Variants in TES observed in about 807,000 individuals in gnomAD.
The protein encoded by TES is testin LIM domain protein, also known as testin.
A neutral mutation model predicts 48.2 loss-of-function variants in TES; 41 were observed. The observed-to-expected ratio is 0.85, with a 90% CI of 0.66 to 1.10. The LOEUF (loss-of-function observed/expected upper bound fraction) is 1.10. TES is among the 50% of genes least tolerant of loss of function. The pLI is 0.00. For missense variants in TES, 463 were observed against 515.1 expected (o/e 0.90, Z 0.98); for synonymous variants, 162 against 174.9 (o/e 0.93, Z 0.58).
chr7:116,238,159 A>AT (rs1584620647), intron 2 of TES: 1 of 152,066 alleles, frequency 6.6e-6, no homozygotes, highest in African/African-American at 2.4e-5. Flanking sequence ...CATCACTCTG[A>AT]TTTTCTGCTG....
intron 1 of TES, among the ~76,000 whole-genome samples, chr7:116,228,221 C>A (rs1047939907): frequency 1.5e-4 from 23 of 151,930 alleles, no homozygotes; most frequent in African/African-American, 5.6e-4. Context: ...GTTTATGGAG[C>A]CTGCAGTTAA....
chr7:116,241,413 C>G lies in TES; in HGVS notation c.113+6794C>G, dbSNP rs886282100. Among the ~76,000 whole-genome samples, 8 of 152,160 alleles carry G rather than the reference C, an allele frequency of 5.3e-5. No individual in the cohort carries two copies. In the East Asian group the frequency reaches 1.5e-3, roughly 29 times the overall value. ...TGTTTTCTTGCAGAGTAGTTTGTAG[C>G]TGGCTCTTCTCCTTGTAGAAATGGA... On this transcript the variant is annotated intron_variant, in intron 2 of 6. Transcript: ENST00000358204.
intron 6 of TES, 125 bp from the exon 7 acceptor site, chr7:116,257,169 T>C (rs1800111874): frequency 9.8e-7 from 1 of 1,025,314 alleles, no homozygotes; most frequent in Non-Finnish European, 1.4e-6. Flanking sequence ...CCACCCTCCA[T>C]TGTGTATTTC....
At position 116,257,392 on chromosome 7, in the gene TES, T is replaced by C; in HGVS notation, c.1176T>C (p.Ser392=). The change falls in exon 7 of 7, where the codon TCT becomes TCC. Residue 392 remains serine, a synonymous_variant. Transcript: ENST00000358204. The part of the protein sequence containing the change: ...WHASTECFLC[S]CCSKCLIGQK... ...CATCCACAGAGTGCTTTCTGTGCTCTTGCTGCAGCAAATGCCTCATTGGGC... is the reference window on the plus strand; with the variant it reads ...CATCCACAGAGTGCTTTCTGTGCTCCTGCTGCAGCAAATGCCTCATTGGGC... The C allele has an allele frequency of 6.2e-7, 1 of 1,614,140 alleles. No individual in the cohort carries two copies. The highest frequency in any genetic ancestry group is 8.5e-7 in the Non-Finnish European group (1 of 1,180,002).
At chr7:116,249,968 T>G in intron 3 of TES, 193 bp from the exon 4 acceptor site, 1 of 406,806 alleles carries the variant, frequency 2.5e-6, no homozygotes, top group Non-Finnish European at 4.4e-6. Context: ...AGAGAAAGTG[T>G]TACTTTTTAC....
intron 2 of TES, among the ~76,000 whole-genome samples, chr7:116,245,067 G>A (rs1563012437): frequency 6.6e-6 from 1 of 152,194 alleles, no homozygotes; most frequent in Non-Finnish European, 1.5e-5. Flanking sequence ...CCAGGCCTGT[G>A]ATGGGAGGGG....
chr7:116,250,403 C>T lies in TES; in HGVS notation c.609C>T (p.Pro203=), dbSNP rs776482074. 2.5e-6 allele frequency: 4 copies of T among 1,613,554 alleles called. No homozygotes were observed. The highest frequency in any genetic ancestry group is 2.2e-5 in the South Asian group (2 of 90,962). The change falls in exon 4 of 7, where the codon CCC becomes CCT. Residue 203 remains proline, a synonymous_variant. Coordinates refer to ENST00000358204, the MANE Select transcript of TES (RefSeq NM_015641.4). ...KLPCEMDAQG[P]KQMNIPGGDR... ...CCTGTGAGATGGATGCCCAAGGCCC[C>T]AAACAAATGAACATTCCTGGAGGGG...
rs1190896716 is a variant in TES at position 116,210,547 on chromosome 7, G to T, written c.-161G>T. The T allele has an allele frequency of 2.2e-5, 17 of 763,268 alleles. No homozygotes were observed. The highest frequency in any genetic ancestry group is 3.6e-6 in the Non-Finnish European group (2 of 552,600). The allele number at this position is 763,268 out of a possible 1,614,324, so 47.3% of individuals were successfully genotyped here. On this transcript the variant is annotated 5_prime_UTR_variant, in exon 1 of 7. Transcript: ENST00000358204. ...GTCCGGGCCGCAGGCCCGCTGCGGC[G>T]GACTGGGCGGCGGAAGTTCGACGGC...
chr7:116,243,049 G>C (rs1291928368), intron 2 of TES, among the ~76,000 whole-genome samples: 1 of 151,908 alleles, frequency 6.6e-6, no homozygotes, highest in East Asian at 1.9e-4. Context: ...ACTAGTTTCT[G>C]CTATTCTCTT....
Position 116,257,530 on chromosome 7 carries a change from G to C in TES, c.*48G>C, listed in dbSNP as rs200281433. On this transcript the variant is annotated 3_prime_UTR_variant, in exon 7 of 7. Transcript: ENST00000358204. ...GAGCCATAGCTATCCAAAGTGGTCTGCATTTCTACTGTAAAATGCAATTTG... is the reference window on the plus strand; with the variant it reads ...GAGCCATAGCTATCCAAAGTGGTCTCCATTTCTACTGTAAAATGCAATTTG... 395 of 1,339,204 alleles carry C rather than the reference G, an allele frequency of 2.9e-4. No individual in the cohort carries two copies. Among genetic ancestry groups the C allele is most frequent in the Non-Finnish European group, 3.6e-4 (371 of 1,024,200 alleles). The allele number at this position is 1,339,204 out of a possible 1,614,324, so 83.0% of individuals were successfully genotyped here. A position where few individuals can be genotyped will look rare whatever the true frequency, so the allele number is the denominator to read the frequency against.
At position 116,250,349 on chromosome 7, in the gene TES, A is replaced by G. The variant is rs201962696; in HGVS notation, c.555A>G (p.Glu185=). ...MEQFVKKYKS[E]ALGVGDVKLP... is the part of the protein sequence containing the mutation. Reference sequence around the variant, plus strand: ...AGTTTGTGAAGAAATATAAGAGCGAAGCTCTGGGAGTAGGAGATGTCAAAC... The same window carrying G: ...AGTTTGTGAAGAAATATAAGAGCGAGGCTCTGGGAGTAGGAGATGTCAAAC... Residue 185 remains glutamate (E), a synonymous_variant, in exon 4 of 7, where the codon GAA becomes GAG. Coordinates refer to ENST00000358204, the MANE Select transcript of TES (RefSeq NM_015641.4). 1 of 1,613,928 alleles carries G rather than the reference A, an allele frequency of 6.2e-7. No homozygotes were observed.
chr7:116,248,927 T>C, intron 2 of TES, 93 bp from the exon 3 acceptor site: 1 of 1,304,068 alleles, frequency 7.7e-7, no homozygotes, highest in Non-Finnish European at 1.0e-6. Context: ...TGATATAGAA[T>C]AGGCCTAAAA....
Position 116,222,154 on chromosome 7 carries a change from A to T in TES, c.27+11420A>T, listed in dbSNP as rs1369532431. Among the ~76,000 whole-genome samples, 3 of 152,174 alleles carry T rather than the reference A, an allele frequency of 2.0e-5. No individual in the cohort carries two copies. In the East Asian group the frequency reaches 5.8e-4, roughly 29 times the overall value. On this transcript the variant is annotated intron_variant, in intron 1 of 6. Transcript: ENST00000358204. ...TAAGCAAGCATGAGGACCTGGCAGTAGGGTTCTTACATCTCTCCCTTCCTT... is the reference window on the plus strand; with the variant it reads ...TAAGCAAGCATGAGGACCTGGCAGTTGGGTTCTTACATCTCTCCCTTCCTT...
chr7:116,227,291 ATTTT>A (rs754550815), intron 1 of TES, among the ~76,000 whole-genome samples: 2 of 137,392 alleles, frequency 1.5e-5, no homozygotes, highest in East Asian at 4.2e-4. Flanking sequence ...TATTTTTTGT[ATTTT>A]TTTTTTTTAG....
intron 1 of TES, among the ~76,000 whole-genome samples, chr7:116,221,334 C>T (rs572891552): frequency 1.1e-4 from 16 of 152,084 alleles, no homozygotes; most frequent in South Asian, 2.1e-4. Flanking sequence ...AACACTGCAA[C>T]GTATTGTGGT....
chr7:116,250,585 C>A, intron 4 of TES, 89 bp downstream of exon 4: 2 of 1,025,236 alleles, frequency 2.0e-6, no homozygotes, highest in South Asian at 2.8e-5. Flanking sequence ...GACTATTCCT[C>A]TGAGTTTCCA....
intron 1 of TES, chr7:116,218,109 G>A (rs1268533331): frequency 2.8e-6 from 1 of 353,302 alleles, no homozygotes; most frequent in African/African-American, 2.1e-5. Context: ...AGTGGGGATT[G>A]CTGAGATCTC....
chr7:116,217,568 C>A (rs1250252439), intron 1 of TES, among the ~76,000 whole-genome samples: 1 of 151,842 alleles, frequency 6.6e-6, no homozygotes, highest in African/African-American at 2.4e-5. Flanking sequence ...TGGTGGTATC[C>A]AGAGAAATTA....
At chr7:116,220,648 G>C (rs917487037) in intron 1 of TES, among the ~76,000 whole-genome samples, 13 of 152,126 alleles carry the variant, frequency 8.5e-5, no homozygotes, top group African/African-American at 2.9e-4. Context: ...GATCAGTTTT[G>C]TTTAGTTAGT....
Sources: gnomAD v4.1 joint callset for allele counts (sites outside exome capture counted in the v4.1 genomes callset) on GRCh38, gnomAD v4.1.1 for gene constraint, MANE v1.5 for transcripts, NCBI Gene and HGNC (gene_info 2026-07-23, HGNC 2026-07-21) for gene names.